Variants in JAK2 observed in about 807,000 individuals in gnomAD.
JAK2 encodes Janus kinase 2, also known as tyrosine-protein kinase JAK2.
In JAK2, 86 loss-of-function variants were observed where a neutral mutation model predicts 139.3. The observed-to-expected ratio is 0.62, with a 90% confidence interval of 0.52 to 0.74. The LOEUF (loss-of-function observed/expected upper bound fraction) is 0.74, where lower values mean the gene tolerates loss of function less well. Ranked by LOEUF, JAK2 falls within the 30% of genes least tolerant of loss-of-function variation. The pLI, the probability that JAK2 is intolerant of heterozygous loss-of-function variation, is 0.00. For missense variants in JAK2, 1,421 were observed against 1,360.3 expected (o/e 1.04, Z -0.70); for synonymous variants, 490 against 437.7 (o/e 1.12, Z -1.49).
intron 19 of JAK2, chr9:5,085,394 C>G (rs1207091254): frequency 1.2e-6 from 1 of 852,076 alleles, no homozygotes; most frequent in Non-Finnish European, 2.0e-6. Context: ...TCGGGGCATC[C>G]TAGAACAGAG....
At chr9:5,001,905 T>C (rs1820949362) in intron 2 of JAK2, among the ~76,000 whole-genome samples, 1 of 152,042 alleles carries the variant, frequency 6.6e-6, no homozygotes, top group South Asian at 2.1e-4. Context: ...GTTTTGGTAA[T>C]TTTTGTCTTT....
chr9:5,059,571 A>G (rs1818013272), intron 8 of JAK2, among the ~76,000 whole-genome samples: 1 of 152,090 alleles, frequency 6.6e-6, no homozygotes, highest in African/African-American at 2.4e-5. Context: ...TTTTGTATAT[A>G]TATATCCTAG....
At chr9:5,098,582 G>A (rs1365064486) in intron 22 of JAK2, 2 of 151,908 alleles carry the variant, frequency 1.3e-5, no homozygotes, top group Non-Finnish European at 2.9e-5. Context: ...TCATCCCTAC[G>A]TATTCTGTAT....
chr9:5,079,068 G>C (rs944492289), intron 16 of JAK2, among the ~76,000 whole-genome samples: 6 of 152,112 alleles, frequency 3.9e-5, no homozygotes, highest in Non-Finnish European at 7.4e-5. Context: ...TTTGTGCACT[G>C]ATGTGTCCTA....
chr9:5,000,989 C>A (rs1820895427), intron 2 of JAK2, among the ~76,000 whole-genome samples: 1 of 152,110 alleles, frequency 6.6e-6, no homozygotes, highest in African/African-American at 2.4e-5. Flanking sequence ...ATCAAAAATA[C>A]AGAATAAAAA....
chr9:5,091,839 T>C (rs796285632), intron 22 of JAK2, among the ~76,000 whole-genome samples: 1 of 152,118 alleles, frequency 6.6e-6, no homozygotes, highest in Non-Finnish European at 1.5e-5. Flanking sequence ...ATGGGTACTT[T>C]AAGGTTGTTA....
intron 4 of JAK2, among the ~76,000 whole-genome samples, chr9:5,036,119 C>G (rs1823581328): frequency 2.0e-5 from 3 of 152,194 alleles, no homozygotes; most frequent in African/African-American, 7.2e-5. Flanking sequence ...CATGAGTGAA[C>G]TCCCATTCAC....
At position 5,080,555 on chromosome 9, in the gene JAK2, G is replaced by T. The variant is rs1819615941; in HGVS notation, c.2306G>T (p.Arg769Met). ...SQRKLQFYED[R>M]HQLPAPKWAE... ...TAGAAGCTACAATTTTATGAAGATAGGCATCAGCTTCCTGCACCAAAGTGG... is the reference window on the plus strand; with the variant it reads ...TAGAAGCTACAATTTTATGAAGATATGCATCAGCTTCCTGCACCAAAGTGG... Residue 769 changes from arginine to methionine, a missense_variant, in exon 18 of 25, where the codon AGG becomes ATG. Coordinates refer to ENST00000381652, the MANE Select transcript of JAK2 (RefSeq NM_004972.4). The T allele has an allele frequency of 4.4e-6, 7 of 1,593,680 alleles. No homozygotes were observed. The highest frequency in any genetic ancestry group is 6.0e-6 in the Non-Finnish European group (7 of 1,174,658).
At chr9:5,004,689 T>C (rs919739605) in intron 2 of JAK2, among the ~76,000 whole-genome samples, 1 of 152,204 alleles carries the variant, frequency 6.6e-6, no homozygotes, top group Non-Finnish European at 1.5e-5. Context: ...TTTTAATTTT[T>C]TGAGGAACCT....
At chr9:5,042,743 G>A (rs984388202) in intron 4 of JAK2, among the ~76,000 whole-genome samples, 1 of 152,208 alleles carries the variant, frequency 6.6e-6, no homozygotes, top group African/African-American at 2.4e-5. Flanking sequence ...AGGGACACAG[G>A]CATTGCTGCC....
intron 22 of JAK2, chr9:5,114,194 C>A: frequency 2.1e-6 from 1 of 468,562 alleles, no homozygotes; most frequent in Non-Finnish European, 4.2e-6. Context: ...GGGTGAGCAC[C>A]TACCTGAGCC....
At chr9:5,044,669 T>G in intron 5 of JAK2, 149 bp downstream of exon 5, 2 of 519,168 alleles carry the variant, frequency 3.9e-6, no homozygotes, top group Non-Finnish European at 6.7e-6. Context: ...AATTGAGTCT[T>G]TTAGCACTAG....
intron 23 of JAK2, among the ~76,000 whole-genome samples, chr9:5,125,554 T>C (rs1037472632): frequency 6.6e-6 from 1 of 151,556 alleles, no homozygotes; most frequent in Non-Finnish European, 1.5e-5. Flanking sequence ...TTATGAACTA[T>C]TTTAAAATTT....
At chr9:5,031,709 T>C (rs1823159667) in intron 4 of JAK2, among the ~76,000 whole-genome samples, 1 of 152,216 alleles carries the variant, frequency 6.6e-6, no homozygotes, top group African/African-American at 2.4e-5. Context: ...TGGGAATGAC[T>C]GCAATTGTCA....
chr9:5,085,302 G>T, intron 19 of JAK2: 1 of 729,948 alleles, frequency 1.4e-6, no homozygotes, highest in South Asian at 1.3e-5. Context: ...AACATGAGGT[G>T]AAGTCGAATA....
chr9:5,065,693 A>T (rs934860509), intron 9 of JAK2, among the ~76,000 whole-genome samples: 1 of 152,168 alleles, frequency 6.6e-6, no homozygotes, highest in African/African-American at 2.4e-5. Flanking sequence ...ATACTGGGTA[A>T]AGCTAGCTAT....
intron 22 of JAK2, chr9:5,114,190 G>C (rs752011077): frequency 2.2e-6 from 1 of 463,928 alleles, no homozygotes; most frequent in Non-Finnish European, 4.3e-6. Context: ...CAAGGGGTGA[G>C]CACCTACCTG....
At chr9:5,078,753 T>C (rs186945513) in intron 16 of JAK2, among the ~76,000 whole-genome samples, 12 of 152,280 alleles carry the variant, frequency 7.9e-5, no homozygotes, top group Admixed American at 5.9e-4. Context: ...CACAAGTAAA[T>C]TTTCTAAATA....
intron 22 of JAK2, chr9:5,099,828 A>AT (rs770147050): frequency 2.6e-4 from 39 of 152,296 alleles, no homozygotes; most frequent in Admixed American, 2.1e-3. Flanking sequence ...TACCCCATTC[A>AT]TTTACACCAA....
Sources: allele counts gnomAD v4.1 joint callset (sites outside exome capture counted in the v4.1 genomes callset), GRCh38; gene constraint gnomAD v4.1.1; transcripts MANE v1.5; gene names NCBI Gene and HGNC (gene_info 2026-07-23, HGNC 2026-07-21).